Variants in ADARB2 observed in about 807,000 individuals in gnomAD.
ADARB2 encodes inactive double-stranded RNA-specific editase B2.
Under a neutral mutation model 62.2 loss-of-function variants are expected in ADARB2, and 25 were observed. The observed-to-expected ratio is 0.40, with a 90% CI of 0.29 to 0.56. ADARB2 has a LOEUF of 0.56. Among genes scored for constraint, ADARB2 ranks in the 20% least tolerant of loss-of-function variants. The pLI is 0.43. For missense variants in ADARB2, 1,071 were observed against 1,077.4 expected, an observed-to-expected ratio of 0.99 and a Z score of 0.08; for synonymous variants, 572 against 500.8, an observed-to-expected ratio of 1.14 and a Z score of -1.90.
chr10:1,435,752 G>A (rs754833265), intron 1 of ADARB2, among the ~76,000 whole-genome samples: 14 of 152,216 alleles, frequency 9.2e-5, no homozygotes, highest in Non-Finnish European at 1.3e-4. Context: ...CTGCCTCCCT[G>A]CTGGCCACCC....
intron 2 of ADARB2, among the ~76,000 whole-genome samples, chr10:1,375,476 C>T (rs1308449143): frequency 6.6e-6 from 1 of 152,186 alleles, no homozygotes; most frequent in Non-Finnish European, 1.5e-5. Flanking sequence ...CGCTCTGCAC[C>T]CTTAGATGAA....
At chr10:1,677,426 G>T (rs1241631846) in intron 1 of ADARB2, among the ~76,000 whole-genome samples, 2 of 152,290 alleles carry the variant, frequency 1.3e-5, no homozygotes, top group East Asian at 3.9e-4. Flanking sequence ...GCCTGGTTGG[G>T]CGGAGGTGAA....
At chr10:1,259,117 A>G (rs10903411) in intron 4 of ADARB2, among the ~76,000 whole-genome samples, 47,969 of 152,088 alleles carry the variant, frequency 0.32, 7,951 homozygotes, top group South Asian at 0.52. Flanking sequence ...CAAAGACACA[A>G]CATACCAGAA....
chr10:1,459,537 G>A (rs557455101), intron 1 of ADARB2, among the ~76,000 whole-genome samples: 363 of 148,608 alleles, frequency 2.4e-3, no homozygotes, highest in African/African-American at 8.7e-3. Flanking sequence ...CCAAGGGGGG[G>A]TGGATCACCT....
intron 1 of ADARB2, among the ~76,000 whole-genome samples, chr10:1,703,876 G>A (rs531262728): frequency 3.9e-5 from 6 of 152,216 alleles, no homozygotes; most frequent in Admixed American, 1.3e-4. Context: ...TGTTAAATGC[G>A]GTCAACCACG....
At chr10:1,677,635 G>T (rs1022179700) in intron 1 of ADARB2, among the ~76,000 whole-genome samples, 5 of 152,174 alleles carry the variant, frequency 3.3e-5, no homozygotes, top group African/African-American at 1.2e-4. Flanking sequence ...GCTCAAGAAG[G>T]CGGCTGTCTA....
chr10:1,609,910 C>A (rs773800952), intron 1 of ADARB2, among the ~76,000 whole-genome samples: 1 of 152,248 alleles, frequency 6.6e-6, no homozygotes, highest in Non-Finnish European at 1.5e-5. Flanking sequence ...TGACAGTCCC[C>A]GTCTGCCCTC....
At chr10:1,626,771 C>T (rs979293792) in intron 1 of ADARB2, among the ~76,000 whole-genome samples, 12 of 152,328 alleles carry the variant, frequency 7.9e-5, no homozygotes, top group African/African-American at 2.2e-4. Flanking sequence ...GCAACCCGCA[C>T]GGTCTGAAGT....
At chr10:1,536,638 A>G (rs1183547176) in intron 1 of ADARB2, among the ~76,000 whole-genome samples, 2 of 152,220 alleles carry the variant, frequency 1.3e-5, no homozygotes, top group Non-Finnish European at 2.9e-5. Context: ...TGTTGTAACT[A>G]GGACTCTGGC....
In ADARB2 at chr10:1,252,746, G is replaced by A. The variant is rs1339515919; in HGVS notation, c.1193-10447C>T. ...TTCGAAATCAGGTAGATTTTAAAAT[G>A]TCTGGCTTGGGGACATCTTGTCTGT... On this transcript the variant is annotated intron_variant, in intron 4 of 9. Transcript: ENST00000381312. Among the ~76,000 whole-genome samples, 6 of 151,706 alleles carry A rather than the reference G, an allele frequency of 4.0e-5. No homozygotes were observed. In the South Asian group the frequency reaches 6.2e-4, roughly 16 times the overall value.
At chr10:1,605,369 G>T (rs1027314337) in intron 1 of ADARB2, among the ~76,000 whole-genome samples, 5 of 152,204 alleles carry the variant, frequency 3.3e-5, no homozygotes, top group African/African-American at 1.2e-4. Context: ...GTCTCTCAGA[G>T]GCATTGCCCA....
At chr10:1,475,783 G>A (rs1355085853) in intron 1 of ADARB2, among the ~76,000 whole-genome samples, 1 of 152,174 alleles carries the variant, frequency 6.6e-6, no homozygotes, top group Non-Finnish European at 1.5e-5. Flanking sequence ...AAGAAAATGT[G>A]GAAATCAATT....
intron 1 of ADARB2, among the ~76,000 whole-genome samples, chr10:1,404,040 T>C (rs1832686345): frequency 6.6e-6 from 1 of 152,200 alleles, no homozygotes; most frequent in South Asian, 2.1e-4. Context: ...GGTCAGGGGC[T>C]TCCTGTGGTG....
chr10:1,559,027 G>C (rs542872716), intron 1 of ADARB2, among the ~76,000 whole-genome samples: 1 of 152,182 alleles, frequency 6.6e-6, no homozygotes, highest in Admixed American at 6.5e-5. Context: ...TGGGAAAGGC[G>C]GATAAAGTCT....
chr10:1,353,132 A>T (rs1490004449), intron 3 of ADARB2, among the ~76,000 whole-genome samples: 1 of 152,148 alleles, frequency 6.6e-6, no homozygotes, highest in Non-Finnish European at 1.5e-5. Flanking sequence ...CACATCAAGC[A>T]CGGGGATTGG....
chr10:1,614,686 C>T (rs1009017764), intron 1 of ADARB2, among the ~76,000 whole-genome samples: 4 of 152,100 alleles, frequency 2.6e-5, no homozygotes, highest in Non-Finnish European at 5.9e-5. Flanking sequence ...CCGAGGCGGG[C>T]GGATCACGAG....
intron 1 of ADARB2, among the ~76,000 whole-genome samples, chr10:1,407,579 T>G (rs1832717834): frequency 6.6e-6 from 1 of 152,156 alleles, no homozygotes; most frequent in Admixed American, 6.5e-5. Flanking sequence ...TGCATTCTGT[T>G]GGATTATGCC....
At chr10:1,618,091 C>T (rs1231389196) in intron 1 of ADARB2, among the ~76,000 whole-genome samples, 1 of 152,188 alleles carries the variant, frequency 6.6e-6, no homozygotes, top group East Asian at 1.9e-4. Flanking sequence ...TCTTACTTAA[C>T]CCTCTGAGTG....
At chr10:1,253,537 C>G (rs1411313986) in intron 4 of ADARB2, among the ~76,000 whole-genome samples, 11 of 152,366 alleles carry the variant, frequency 7.2e-5, no homozygotes, top group Non-Finnish European at 5.9e-5. Flanking sequence ...TCCATTCATT[C>G]AGTGGGCATT....
Sources: gnomAD v4.1 joint callset for allele counts (sites outside exome capture counted in the v4.1 genomes callset) on GRCh38, gnomAD v4.1.1 for gene constraint, MANE v1.5 for transcripts, NCBI Gene and HGNC (gene_info 2026-07-23, HGNC 2026-07-21) for gene names.